The following SUMF1 variants were observed in gnomAD, a reference collection of about 807,000 sequenced individuals.
The protein encoded by SUMF1 is sulfatase modifying factor 1, also known as formylglycine-generating enzyme.
In SUMF1, 48 loss-of-function variants were observed where a neutral mutation model predicts 47.6. That is an observed-to-expected ratio of 1.01 (90% CI 0.80 to 1.28). The LOEUF (loss-of-function observed/expected upper bound fraction) is 1.28. SUMF1 is among the 50% of genes most tolerant of loss of function. The probability of loss-of-function intolerance (pLI) is 0.00; values close to 1 mark genes in which losing one functional copy is unlikely to be tolerated. For missense variants in SUMF1, 571 were observed against 485.4 expected (o/e 1.18, Z -1.66); for synonymous variants, 230 against 192.1 (o/e 1.20, Z -1.63).
At position 4,366,760 on chromosome 3, in the gene SUMF1, G is replaced by A. The variant is rs183576547; in HGVS notation, c.1015-4506C>T. On this transcript the variant is annotated intron_variant, in intron 8 of 8. Coordinates refer to ENST00000272902, the MANE Select transcript of SUMF1 (RefSeq NM_182760.4). ...CCAGCTTTGTTCCATTGCTGGTGAG[G>A]AACTGCGTTCCTTTGGAGGAGGAGA... 1.7e-3 allele frequency among the ~76,000 whole-genome samples: 252 copies of A among 151,990 alleles called. 1 individual carries two copies. Among genetic ancestry groups the A allele is most frequent in the Non-Finnish European group, 3.2e-3 (216 of 68,018 alleles).
intron 8 of SUMF1, among the ~76,000 whole-genome samples, chr3:4,177,960 G>C (rs1167218280): frequency 3.3e-5 from 5 of 152,052 alleles, no homozygotes; most frequent in Non-Finnish European, 7.4e-5. Context: ...ATAAATTCCT[G>C]GACACATACA....
At chr3:4,234,803 C>T (rs549806109) in intron 8 of SUMF1, among the ~76,000 whole-genome samples, 1 of 152,050 alleles carries the variant, frequency 6.6e-6, no homozygotes, top group East Asian at 1.9e-4. Flanking sequence ...AAGAAAAAAG[C>T]CTACATGACA....
At chr3:4,066,538 A>G (rs1387619136) in intron 9 of SUMF1, among the ~76,000 whole-genome samples, 1 of 152,126 alleles carries the variant, frequency 6.6e-6, no homozygotes, top group Non-Finnish European at 1.5e-5. Flanking sequence ...CTTCCCAGAT[A>G]GTATCAAGGA....
At chr3:4,422,017 C>A (rs889697898) in intron 3 of SUMF1, among the ~76,000 whole-genome samples, 1 of 152,162 alleles carries the variant, frequency 6.6e-6, no homozygotes, top group African/African-American at 2.4e-5. Flanking sequence ...ATCTCAATCA[C>A]AATTTGATGG....
At chr3:4,256,827 A>G (rs1455083032) in intron 8 of SUMF1, among the ~76,000 whole-genome samples, 1 of 147,082 alleles carries the variant, frequency 6.8e-6, no homozygotes, top group Non-Finnish European at 1.5e-5. Flanking sequence ...TTTTAGACCA[A>G]TATCCTTGAT....
chr3:4,386,120 C>T (rs1475819529), intron 7 of SUMF1, among the ~76,000 whole-genome samples: 2 of 152,126 alleles, frequency 1.3e-5, no homozygotes, highest in Admixed American at 1.3e-4. Flanking sequence ...AGTTCCTTTG[C>T]CTTTCCATAT....
chr3:4,089,987 A>G (rs895588422), intron 8 of SUMF1, among the ~76,000 whole-genome samples: 6 of 151,988 alleles, frequency 3.9e-5, no homozygotes, highest in African/African-American at 1.5e-4. Flanking sequence ...TTATCTTTTT[A>G]TTCATTTGGC....
intron 8 of SUMF1, among the ~76,000 whole-genome samples, chr3:4,329,059 G>A (rs538177626): frequency 4.6e-5 from 7 of 152,340 alleles, no homozygotes; most frequent in South Asian, 2.1e-4. Flanking sequence ...TGATGCAAGA[G>A]GTGGGTTCAC....
chr3:4,200,899 T>G (rs143201932), intron 8 of SUMF1, among the ~76,000 whole-genome samples: 1 of 152,158 alleles, frequency 6.6e-6, no homozygotes, highest in Non-Finnish European at 1.5e-5. Context: ...CACTGATCTA[T>G]AGTTTATATT....
chr3:4,366,297 T>G (rs1045992087), intron 8 of SUMF1, among the ~76,000 whole-genome samples: 3 of 152,238 alleles, frequency 2.0e-5, no homozygotes, highest in Non-Finnish European at 2.9e-5. Flanking sequence ...TCCTGGATAA[T>G]AACCTGCAGA....
rs1699748416 is a variant in SUMF1 at position 4,361,320 on chromosome 3, T to C, written c.*824A>G. 6.5e-6 allele frequency: 1 copy of C among 152,804 alleles called. No homozygotes were observed. The highest frequency in any genetic ancestry group is 1.5e-5 in the Non-Finnish European group (1 of 68,044). 9.5% of individuals were successfully genotyped at this position (152,804 alleles called of 1,614,324 possible). A position where few individuals can be genotyped will look rare whatever the true frequency, so the allele number is the denominator to read the frequency against. ...CTAGAATTAAACAGGTTTCCCCGTT[T>C]AGCGCACATTTCACGTTCGCTGAAG... is the stretch of plus-strand genomic sequence containing the variant. On this transcript the variant is annotated 3_prime_UTR_variant, in exon 9 of 9. Transcript: ENST00000272902.
chr3:4,071,292 C>T (rs1463737713), intron 8 of SUMF1, among the ~76,000 whole-genome samples: 2 of 152,104 alleles, frequency 1.3e-5, no homozygotes, highest in African/African-American at 4.8e-5. Flanking sequence ...CTCATTGAGA[C>T]TGGATGGACA....
chr3:4,066,577 C>T (rs666412), intron 9 of SUMF1, among the ~76,000 whole-genome samples: 35,182 of 152,010 alleles, frequency 0.23, 4,943 homozygotes, highest in Middle Eastern at 0.31. Context: ...CGGTGAGATG[C>T]CAGACCCATT....
intron 8 of SUMF1, among the ~76,000 whole-genome samples, chr3:4,284,140 G>C (rs927427806): frequency 6.6e-6 from 1 of 152,072 alleles, no homozygotes; most frequent in African/African-American, 2.4e-5. Context: ...GGGAGGCCAG[G>C]AGCAGAGGCT....
intron 7 of SUMF1, among the ~76,000 whole-genome samples, chr3:4,398,458 CT>C (rs1432795280): frequency 6.6e-6 from 1 of 152,142 alleles, no homozygotes; most frequent in East Asian, 1.9e-4. Flanking sequence ...TATATTTTCT[CT>C]TCTTAATAAC....
At chr3:4,202,432 T>G (rs1695561348) in intron 8 of SUMF1, among the ~76,000 whole-genome samples, 1 of 152,028 alleles carries the variant, frequency 6.6e-6, no homozygotes, top group Non-Finnish European at 1.5e-5. Flanking sequence ...ATGGTTGTAT[T>G]TATGAGTTCT....
chr3:4,100,392 T>C (rs1023624175), intron 8 of SUMF1, among the ~76,000 whole-genome samples: 2 of 152,042 alleles, frequency 1.3e-5, no homozygotes, highest in African/African-American at 4.8e-5. Flanking sequence ...CCCACACGTC[T>C]ACAGTCAATT....
chr3:4,405,623 A>G, intron 7 of SUMF1, among the ~76,000 whole-genome samples: 1 of 152,150 alleles, frequency 6.6e-6, no homozygotes, highest in East Asian at 1.9e-4. Flanking sequence ...CCTGAGCTCA[A>G]GCGATCCTCC....
chr3:4,311,715 C>G (rs193070188), intron 8 of SUMF1, among the ~76,000 whole-genome samples: 175 of 152,352 alleles, frequency 1.1e-3, no homozygotes, highest in South Asian at 2.3e-3. Context: ...TCTAAGCTCA[C>G]TAGACCTGTT....
Sources: allele counts gnomAD v4.1 joint callset (sites outside exome capture counted in the v4.1 genomes callset), GRCh38; gene constraint gnomAD v4.1.1; transcripts MANE v1.5; gene names NCBI Gene and HGNC (gene_info 2026-07-23, HGNC 2026-07-21).